The following HERC3 variants were observed in gnomAD, a reference collection of about 807,000 sequenced individuals.
The protein encoded by HERC3 is HECT and RLD domain containing E3 ubiquitin protein ligase 3.
A neutral mutation model predicts 129.9 loss-of-function variants in HERC3; 58 were observed. That is an observed-to-expected ratio of 0.45 (90% CI 0.36 to 0.56). HERC3 has a LOEUF of 0.56. HERC3 is among the 20% of genes least tolerant of loss of function. The pLI is 0.00. For synonymous variants in HERC3, 430 were observed against 451.0 expected (o/e 0.95, Z 0.59); for missense variants, 835 against 1,244.2 (o/e 0.67, Z 4.95).
chr4:88,540,340 G>T, the HERC3 span, among the ~76,000 whole-genome samples: 1 of 152,108 alleles, frequency 6.6e-6, no homozygotes, highest in Non-Finnish European at 1.5e-5. Context: ...TGGAAGAAAA[G>T]ATATCAGTGA....
At position 88,708,101 on chromosome 4, in the gene HERC3, G is replaced by A. The variant is rs533351338; in HGVS notation, c.*1141G>A. 3 of 152,288 alleles carry A rather than the reference G, an allele frequency of 2.0e-5. No homozygotes were observed. Among genetic ancestry groups the A allele is most frequent in the Admixed American group, 6.6e-5 (1 of 15,256 alleles). The allele number at this position is 152,288 out of a possible 1,614,324, so 9.4% of individuals were successfully genotyped here. On this transcript the variant is annotated 3_prime_UTR_variant, in exon 26 of 26. Transcript: ENST00000402738. ...TCCCTAATTGCTAAGATTTAAGGAC[G>A]TTCTTTATTATGAAACTTTATCACA...
rs773079685 is a variant in HERC3, at chr4:88,676,358, C to T, written c.1960C>T (p.Pro654Ser). The T allele has an allele frequency of 6.8e-6, 11 of 1,612,338 alleles. No homozygotes were observed. The highest frequency in any genetic ancestry group is 1.3e-5 in the African/African-American group (1 of 74,986). ...GGATACTGTAACACTTTGTTCCTAC[C>T]CTTTCATCTTTGATGCCCAAGCCAA... ...IQDTVTLCSY[P>S]FIFDAQAKTK... Residue 654 changes from proline to serine, a missense_variant, in exon 18 of 26, where the codon CCT becomes TCT. By Grantham distance (74) the Pro-to-Ser change is moderately conservative (BLOSUM62 -1). Transcript: ENST00000402738.
chr4:88,536,066 C>T, the HERC3 span, among the ~76,000 whole-genome samples: 1 of 152,158 alleles, frequency 6.6e-6, no homozygotes, highest in East Asian at 1.9e-4. Flanking sequence ...CACTGATGCA[C>T]TCAAGTGGCC....
the HERC3 span, among the ~76,000 whole-genome samples, chr4:88,553,830 G>A: frequency 3.3e-5 from 5 of 152,052 alleles, no homozygotes; most frequent in East Asian, 1.9e-4. Context: ...GCCACTGCGC[G>A]GCCACCATAT....
chr4:88,552,468 G>A, the HERC3 span, among the ~76,000 whole-genome samples: 1 of 152,046 alleles, frequency 6.6e-6, no homozygotes, highest in Non-Finnish European at 1.5e-5. Context: ...ACCCAGGCAG[G>A]TATTGAATTC....
intron 12 of HERC3, among the ~76,000 whole-genome samples, chr4:88,665,187 G>C (rs1474760456): frequency 6.6e-6 from 1 of 152,234 alleles, no homozygotes; most frequent in Non-Finnish European, 1.5e-5. Flanking sequence ...GAGAGGAAGA[G>C]AGGGGATTTA....
the HERC3 span, among the ~76,000 whole-genome samples, chr4:88,572,135 C>T: frequency 6.6e-6 from 1 of 152,146 alleles, no homozygotes; most frequent in South Asian, 2.1e-4. Context: ...TCAGAAGAAA[C>T]CAACCTTGCT....
intron 9 of HERC3, chr4:88,656,388 A>G (rs964089976): frequency 4.4e-5 from 9 of 204,478 alleles, no homozygotes; most frequent in Non-Finnish European, 9.0e-5. Context: ...GGCCTCAGGA[A>G]TCTTACAGTC....
chr4:88,529,065 ACTC>A, the HERC3 span, among the ~76,000 whole-genome samples: 3 of 152,194 alleles, frequency 2.0e-5, no homozygotes, highest in Admixed American at 6.5e-5. Context: ...AAAAATAAAA[ACTC>A]ATAACAACAC....
At chr4:88,697,828 T>TTGCGGATGCGGCAAGTGGCGGTGACG (rs1734812858) in intron 23 of HERC3, 8 of 1,502,640 alleles carry the variant, frequency 5.3e-6, no homozygotes, top group South Asian at 1.3e-5. Context: ...CAGAGAGATC[T>TTGCGGATGCGGCAAGTGGCGGTGACG]TGCGGATGCG....
At chr4:88,543,624 C>A in the HERC3 span, among the ~76,000 whole-genome samples, 1 of 152,136 alleles carries the variant, frequency 6.6e-6, no homozygotes, top group Non-Finnish European at 1.5e-5. Flanking sequence ...CCTGCATTGC[C>A]AAGTCAATCC....
intron 3 of HERC3, among the ~76,000 whole-genome samples, chr4:88,626,299 A>T (rs547279161): frequency 2.0e-5 from 3 of 152,066 alleles, no homozygotes; most frequent in South Asian, 4.2e-4. Context: ...CTCCCACCTC[A>T]ACCTCCCAAG....
intron 3 of HERC3, among the ~76,000 whole-genome samples, chr4:88,612,552 A>C (rs1388874901): frequency 6.6e-6 from 1 of 152,130 alleles, no homozygotes; most frequent in Non-Finnish European, 1.5e-5. Flanking sequence ...CTTTAAAAAA[A>C]AGTATTGGAT....
intron 2 of HERC3, among the ~76,000 whole-genome samples, chr4:88,601,791 T>G (rs1722996449): frequency 1.1e-5 from 1 of 91,534 alleles, no homozygotes; most frequent in African/African-American, 1.8e-4. Flanking sequence ...GCGCGGTGGC[T>G]TACGCCTGTA....
chr4:88,632,174 T>C (rs982797901), intron 3 of HERC3, among the ~76,000 whole-genome samples: 3 of 152,214 alleles, frequency 2.0e-5, no homozygotes, highest in African/African-American at 7.2e-5. Flanking sequence ...TTGGCTCACC[T>C]CTGTGTTCTG....
intron 6 of HERC3, among the ~76,000 whole-genome samples, chr4:88,653,780 A>G (rs943559219): frequency 2.6e-5 from 4 of 152,162 alleles, no homozygotes; most frequent in African/African-American, 9.7e-5. Flanking sequence ...GGAAGGGCAA[A>G]ATGACTGTTT....
At chr4:88,610,321 C>T (rs542522779) in intron 3 of HERC3, among the ~76,000 whole-genome samples, 4 of 152,036 alleles carry the variant, frequency 2.6e-5, no homozygotes, top group Admixed American at 6.5e-5. Context: ...GGCATGGTGG[C>T]GCGTGCCTGT....
At position 88,684,039 on chromosome 4, in the gene HERC3, A is replaced by C. The variant is rs138860365; in HGVS notation, c.2508-2697A>C. 4.7e-3 allele frequency among the ~76,000 whole-genome samples: 722 copies of C among 152,324 alleles called. 10 individuals are homozygous for C. Among genetic ancestry groups the C allele is most frequent in the African/African-American group, 0.017 (689 of 41,562 alleles). On this transcript the variant is annotated intron_variant, in intron 21 of 25. Transcript: ENST00000402738. ...AGAATCAATATTGTGAAAATGGCCTACTTCCCAAAGTAATTTATAGATTCA... is the reference window on the plus strand; with the variant it reads ...AGAATCAATATTGTGAAAATGGCCTCCTTCCCAAAGTAATTTATAGATTCA...
At chr4:88,543,784 A>G in the HERC3 span, among the ~76,000 whole-genome samples, 1 of 152,218 alleles carries the variant, frequency 6.6e-6, no homozygotes, top group African/African-American at 2.4e-5. Flanking sequence ...CAACCATCTG[A>G]TCTTTGACAA....
Sources: gnomAD v4.1 joint callset for allele counts (sites outside exome capture counted in the v4.1 genomes callset) on GRCh38, gnomAD v4.1.1 for gene constraint, MANE v1.5 for transcripts, NCBI Gene and HGNC (gene_info 2026-07-23, HGNC 2026-07-21) for gene names.